Variants in KMT2C observed in about 807,000 individuals in gnomAD.
The protein encoded by KMT2C is histone-lysine N-methyltransferase 2C.
In KMT2C, 88 loss-of-function variants were observed where a neutral mutation model predicts 507.9. That is an observed-to-expected ratio of 0.17 (90% CI 0.15 to 0.21). The LOEUF is 0.21. Among genes scored for constraint, KMT2C ranks in the 10% least tolerant of loss-of-function variants. The pLI is 1.00. For missense variants in KMT2C, 4,954 were observed against 5,957.8 expected (o/e 0.83, Z 5.55); for synonymous variants, 2,049 against 2,080.8 (o/e 0.98, Z 0.42).
intron 26 of KMT2C, among the ~76,000 whole-genome samples, chr7:152,200,007 T>C (rs1373227260): frequency 6.6e-6 from 1 of 152,218 alleles, no homozygotes; most frequent in Non-Finnish European, 1.5e-5. Flanking sequence ...CATTTCAATA[T>C]ACTTTCAAGC....
intron 1 of KMT2C, among the ~76,000 whole-genome samples, chr7:152,360,904 A>C (rs965769787): frequency 6.6e-6 from 1 of 151,706 alleles, no homozygotes; most frequent in East Asian, 1.9e-4. Flanking sequence ...TAATTAAACT[A>C]CTAAAAACTA....
chr7:152,295,422 T>C (rs1189066972), intron 6 of KMT2C, among the ~76,000 whole-genome samples: 1 of 152,230 alleles, frequency 6.6e-6, no homozygotes, highest in Non-Finnish European at 1.5e-5. Flanking sequence ...GTGCCATTTT[T>C]CCAAAATCCA....
chr7:152,178,487 A>G (rs2093309685), intron 37 of KMT2C, among the ~76,000 whole-genome samples: 1 of 152,206 alleles, frequency 6.6e-6, no homozygotes, highest in Admixed American at 6.5e-5. Flanking sequence ...AGGTTTGATG[A>G]TGGGATAGAA....
intron 40 of KMT2C, 51 bp downstream of exon 40, chr7:152,171,212 TG>T (rs2129108363): frequency 8.0e-7 from 1 of 1,253,194 alleles, no homozygotes. Flanking sequence ...ATGAGTTTGC[TG>T]GGAAACAGAA....
At chr7:152,366,878 C>A in intron 1 of KMT2C, 2 of 341,312 alleles carry the variant, frequency 5.9e-6, no homozygotes, top group Non-Finnish European at 1.1e-5. Context: ...CCGGGCGCAG[C>A]AAGGGCCAGA....
At chr7:152,370,706 T>C (rs76996165) in intron 1 of KMT2C, among the ~76,000 whole-genome samples, 1 of 152,174 alleles carries the variant, frequency 6.6e-6, no homozygotes, top group African/African-American at 2.4e-5. Context: ...TTGTTCAATA[T>C]TCAAAAAATC....
intron 6 of KMT2C, among the ~76,000 whole-genome samples, chr7:152,290,220 A>ATATGTGTGTGTG (rs1554617001): frequency 9.3e-5 from 8 of 86,290 alleles, no homozygotes; most frequent in African/African-American, 3.8e-4. Flanking sequence ...TTATATATAT[A>ATATGTGTGTGTG]TGTGTGTGTG....
rs61473498 is a variant in KMT2C at position 152,296,997 on chromosome 7, AAAAGAAAGAAAGAAAG to A, written c.849+12953_849+12968del. Among the ~76,000 whole-genome samples the A allele has an allele frequency of 4.9e-3, 287 of 59,006 alleles. 1 individual carries two copies. The highest frequency in any genetic ancestry group is 0.022 in the Middle Eastern group (2 of 92). 38.7% of individuals were successfully genotyped at this position (59,006 alleles called of 152,430 possible). On this transcript the variant is annotated intron_variant, in intron 6 of 58. Coordinates refer to ENST00000262189, the MANE Select transcript of KMT2C (RefSeq NM_170606.3). ...ACCACTAAAAAGAAAGAAAGAAAGA[AAAAGAAAGAAAGAAAG>A]AAAGAAAGAAAGAAAGAAAGAAAGA...
chr7:152,324,931 C>T lies in KMT2C; in HGVS notation c.389+5670G>A, dbSNP rs551218052. Reference sequence around the variant, plus strand: ...TCAAGTAATGTTTATTGAAAGTAATCGAGTAATGTTTATTGCAAGTAATCA... The same window carrying T: ...TCAAGTAATGTTTATTGAAAGTAATTGAGTAATGTTTATTGCAAGTAATCA... On this transcript the variant is annotated intron_variant, in intron 3 of 58. Coordinates refer to ENST00000262189, the MANE Select transcript of KMT2C (RefSeq NM_170606.3). Among the ~76,000 whole-genome samples the T allele has an allele frequency of 2.2e-4, 33 of 152,048 alleles. No homozygotes were observed. The South Asian group carries it at 6.6e-3, about 31-fold the overall frequency.
chr7:152,226,218 C>CATTTTTTTTTTTTTTTTTTTTTT (rs1563479395), intron 18 of KMT2C, among the ~76,000 whole-genome samples: 2 of 128,026 alleles, frequency 1.6e-5, no homozygotes, highest in African/African-American at 6.5e-5. Flanking sequence ...CATTACAAGG[C>CATTTTTTTTTTTTTTTTTTTTTT]CTTTTTTTTT....
intron 6 of KMT2C, among the ~76,000 whole-genome samples, chr7:152,278,140 C>T (rs1445543468): frequency 3.3e-5 from 5 of 152,062 alleles, no homozygotes; most frequent in South Asian, 2.1e-4. Context: ...GCTGTCCTTG[C>T]GATAACGAGT....
chr7:152,433,693 G>A (rs907013989), intron 1 of KMT2C, among the ~76,000 whole-genome samples: 2 of 152,206 alleles, frequency 1.3e-5, no homozygotes, highest in African/African-American at 4.8e-5. Context: ...CTGTTATTCA[G>A]CAGAAATTTT....
At chr7:152,237,936 T>C (rs1407497374) in intron 15 of KMT2C, among the ~76,000 whole-genome samples, 3 of 152,276 alleles carry the variant, frequency 2.0e-5, no homozygotes, top group Non-Finnish European at 2.9e-5. Flanking sequence ...TAAGTGAAAA[T>C]TGGTGGTCTA....
intron 1 of KMT2C, among the ~76,000 whole-genome samples, chr7:152,431,227 CTAA>C (rs919771028): frequency 1.3e-5 from 2 of 151,898 alleles, no homozygotes; most frequent in African/African-American, 4.8e-5. Context: ...ATATTAGTAA[CTAA>C]TATGTAAATT....
intron 42 of KMT2C, among the ~76,000 whole-genome samples, chr7:152,164,669 AAC>A (rs1347183832): frequency 2.0e-5 from 3 of 152,226 alleles, no homozygotes; most frequent in African/African-American, 7.2e-5. Context: ...AAATTTGTTG[AAC>A]ACTTTCAATT....
Position 152,139,223 on chromosome 7 carries a change from G to A in KMT2C, c.14497C>T (p.His4833Tyr), listed in dbSNP as rs746631135. The A allele has an allele frequency of 6.2e-7, 1 of 1,613,912 alleles. No individual in the cohort carries two copies. The highest frequency in any genetic ancestry group is 1.7e-5 in the Admixed American group (1 of 60,000). The part of the protein sequence containing the change: ...GVYMFRMDND[H>Y]VIDATLTGGP... Reference sequence around the variant, plus strand: ...CCTGTGAGCGTCGCGTCAATCACATGGTCGTTATCCATGCGGAACATGTAC... The same window carrying A: ...CCTGTGAGCGTCGCGTCAATCACATAGTCGTTATCCATGCGGAACATGTAC... Residue 4833 changes from histidine to tyrosine, a missense_variant, in exon 57 of 59, where the codon CAT becomes TAT. Transcript: ENST00000262189.
chr7:152,337,684 C>T (rs1318783587), intron 2 of KMT2C, among the ~76,000 whole-genome samples: 1 of 151,856 alleles, frequency 6.6e-6, no homozygotes, highest in African/African-American at 2.4e-5. Flanking sequence ...CAGACAATAC[C>T]ACCTAGTATA....
chr7:152,254,863 A>C (rs1476443607), intron 9 of KMT2C, among the ~76,000 whole-genome samples: 2 of 152,070 alleles, frequency 1.3e-5, no homozygotes, highest in Admixed American at 1.3e-4. Context: ...ACTAGGATAT[A>C]AAATTAGCAT....
chr7:152,220,887 T>C (rs35567311), intron 22 of KMT2C, 152 bp from the exon 23 acceptor site: 2 of 629,362 alleles, frequency 3.2e-6, no homozygotes, highest in African/African-American at 1.8e-5. Context: ...AACTTCATGA[T>C]ACCCAATAAA....
Sources: allele counts gnomAD v4.1 joint callset (sites outside exome capture counted in the v4.1 genomes callset), GRCh38; gene constraint gnomAD v4.1.1; transcripts MANE v1.5; gene names NCBI Gene and HGNC (gene_info 2026-07-23, HGNC 2026-07-21).